RPS6KC1: variants seen among roughly 807,000 people sequenced by gnomAD.
RPS6KC1 encodes ribosomal protein S6 kinase C1.
In RPS6KC1, 54 loss-of-function variants were observed where a neutral mutation model predicts 103.8. That is an observed-to-expected ratio of 0.52 (90% CI 0.42 to 0.65). The LOEUF is 0.65. Among genes scored for constraint, RPS6KC1 ranks in the 30% least tolerant of loss-of-function variants. The pLI, the probability that RPS6KC1 is intolerant of heterozygous loss-of-function variation, is 0.00. For missense variants in RPS6KC1, 1,151 were observed against 1,253.8 expected (o/e 0.92, Z 1.24); for synonymous variants, 439 against 438.7 (o/e 1.00, Z -0.01).
intron 1 of RPS6KC1, among the ~76,000 whole-genome samples, chr1:213,057,973 G>T (rs535803166): frequency 2.4e-3 from 363 of 149,346 alleles, no homozygotes; most frequent in Non-Finnish European, 4.0e-3. Context: ...TCACCATGTT[G>T]TCCAGGCTGG....
the RPS6KC1 span, among the ~76,000 whole-genome samples, chr1:213,788,062 A>G: frequency 2.6e-5 from 4 of 152,216 alleles, no homozygotes; most frequent in African/African-American, 9.6e-5. Context: ...GAAGCTATTT[A>G]CAAGAGGTTA....
chr1:213,332,029 T>TA, the RPS6KC1 span, among the ~76,000 whole-genome samples: 4,229 of 133,366 alleles, frequency 0.032, 165 homozygotes, highest in African/African-American at 0.094. Context: ...CACAAGATCT[T>TA]AAAAAAAAAA....
intron 6 of RPS6KC1, among the ~76,000 whole-genome samples, chr1:213,137,826 T>TTC (rs2086551914): frequency 2.6e-5 from 3 of 116,230 alleles, no homozygotes; most frequent in African/African-American, 1.1e-4. Context: ...TTTTTTTTTT[T>TTC]CCTTCCCCCC....
At chr1:213,410,244 A>G in the RPS6KC1 span, among the ~76,000 whole-genome samples, 9 of 152,052 alleles carry the variant, frequency 5.9e-5, no homozygotes, top group Non-Finnish European at 5.9e-5. Flanking sequence ...GAGACAGGAG[A>G]GGGGGAAAGT....
intron 8 of RPS6KC1, among the ~76,000 whole-genome samples, chr1:213,227,354 G>C (rs1329061837): frequency 6.6e-6 from 1 of 152,214 alleles, no homozygotes; most frequent in Non-Finnish European, 1.5e-5. Context: ...TACTGTGTGA[G>C]AACAGTGTGT....
At chr1:213,437,991 T>C in the RPS6KC1 span, among the ~76,000 whole-genome samples, 1 of 152,116 alleles carries the variant, frequency 6.6e-6, no homozygotes, top group African/African-American at 2.4e-5. Context: ...TTTATTTCAA[T>C]TCATTTTTTT....
intron 12 of RPS6KC1, among the ~76,000 whole-genome samples, chr1:213,254,115 T>C (rs1163892948): frequency 2.0e-5 from 3 of 152,090 alleles, no homozygotes; most frequent in Non-Finnish European, 4.4e-5. Context: ...CATTTTATGT[T>C]TTGATATCTT....
At chr1:213,282,368 TGTTA>T in the RPS6KC1 span, among the ~76,000 whole-genome samples, 1 of 152,252 alleles carries the variant, frequency 6.6e-6, no homozygotes, top group African/African-American at 2.4e-5. Context: ...CTTCTTGTGC[TGTTA>T]GTGTTTCAGG....
the RPS6KC1 span, among the ~76,000 whole-genome samples, chr1:213,441,002 C>G: frequency 6.6e-6 from 1 of 152,202 alleles, no homozygotes; most frequent in African/African-American, 2.4e-5. Flanking sequence ...CATGTCTGGG[C>G]TCTCCCCCGT....
the RPS6KC1 span, among the ~76,000 whole-genome samples, chr1:213,346,241 T>A: frequency 2.0e-5 from 3 of 152,276 alleles, no homozygotes; most frequent in Non-Finnish European, 4.4e-5. Flanking sequence ...TAATATACCA[T>A]AGCTAGAAAC....
chr1:213,631,886 C>A, the RPS6KC1 span, among the ~76,000 whole-genome samples: 10 of 152,206 alleles, frequency 6.6e-5, no homozygotes, highest in East Asian at 1.9e-3. Context: ...GTTCTAGAAA[C>A]TTTAACACAT....
chr1:213,563,583 T>G, the RPS6KC1 span, among the ~76,000 whole-genome samples: 1 of 152,276 alleles, frequency 6.6e-6, no homozygotes, highest in South Asian at 2.1e-4. Context: ...TTTCTACTGA[T>G]TTTAAGGTTT....
the RPS6KC1 span, among the ~76,000 whole-genome samples, chr1:213,413,041 G>A: frequency 6.6e-6 from 1 of 152,182 alleles, no homozygotes; most frequent in African/African-American, 2.4e-5. Flanking sequence ...TCTCAAGAAT[G>A]TCTGTCTCAT....
At chr1:213,538,734 A>G in the RPS6KC1 span, among the ~76,000 whole-genome samples, 1 of 152,062 alleles carries the variant, frequency 6.6e-6, no homozygotes, top group Non-Finnish European at 1.5e-5. Context: ...GTGCACTAGT[A>G]CTCATCCTGC....
At chr1:213,215,903 A>G (rs188007809) in intron 8 of RPS6KC1, among the ~76,000 whole-genome samples, 2,893 of 152,314 alleles carry the variant, frequency 0.019, 92 homozygotes, top group African/African-American at 0.064. Flanking sequence ...AGGAACAACC[A>G]GTACCAGCCA....
At chr1:213,247,280 C>G (rs747851802) in intron 12 of RPS6KC1, among the ~76,000 whole-genome samples, 1 of 152,122 alleles carries the variant, frequency 6.6e-6, no homozygotes, top group Non-Finnish European at 1.5e-5. Context: ...TCACAGCTGA[C>G]GGTGAAAAGT....
chr1:213,808,549 T>C, the RPS6KC1 span, among the ~76,000 whole-genome samples: 1 of 152,218 alleles, frequency 6.6e-6, no homozygotes, highest in Admixed American at 6.5e-5. Context: ...GTGCTAGCAA[T>C]CAGCAAGGCT....
chr1:213,769,852 G>A, the RPS6KC1 span, among the ~76,000 whole-genome samples: 6 of 152,290 alleles, frequency 3.9e-5, no homozygotes, highest in South Asian at 1.2e-3. Flanking sequence ...AAGTAAAATA[G>A]TCGTGCCAGC....
chr1:213,505,703 C>CTGGG, the RPS6KC1 span, among the ~76,000 whole-genome samples: 2 of 152,168 alleles, frequency 1.3e-5, no homozygotes, highest in African/African-American at 2.4e-5. Flanking sequence ...AAAGGACAGG[C>CTGGG]TGGGGTTCAG....
Sources: gnomAD v4.1 joint callset for allele counts (sites outside exome capture counted in the v4.1 genomes callset) on GRCh38, gnomAD v4.1.1 for gene constraint, MANE v1.5 for transcripts, NCBI Gene and HGNC (gene_info 2026-07-23, HGNC 2026-07-21) for gene names.